The following ZC3H12B variants were observed in gnomAD, a reference collection of about 807,000 sequenced individuals.
The protein encoded by ZC3H12B is zinc finger CCCH-type containing 12B, also known as probable ribonuclease ZC3H12B.
In ZC3H12B, 7 loss-of-function variants were observed where a neutral mutation model predicts 43.9. The ratio of observed to expected loss-of-function variants is 0.16; its 90% CI spans 0.09 to 0.30. The LOEUF (loss-of-function observed/expected upper bound fraction) is 0.30, where lower values mean the gene tolerates loss of function less well. ZC3H12B is among the 10% of genes least tolerant of loss of function. The pLI, the probability that ZC3H12B is intolerant of heterozygous loss-of-function variation, is 1.00. For missense variants in ZC3H12B, 475 were observed against 670.2 expected (o/e 0.71, Z 3.22); for synonymous variants, 222 against 241.7 (o/e 0.92, Z 0.76).
At chrX:65,352,703 T>C in the ZC3H12B span, among the ~76,000 whole-genome samples, 1 of 111,673 alleles carries the variant, frequency 9.0e-6, no homozygotes, top group South Asian at 3.8e-4. Context: ...AACAATCCTG[T>C]GTTGAGCAAG....
At chrX:65,266,774 G>C in the ZC3H12B span, among the ~76,000 whole-genome samples, 1 of 110,605 alleles carries the variant, frequency 9.0e-6, no homozygotes, top group South Asian at 3.7e-4. Flanking sequence ...CAGTGCAAGG[G>C]TTTGCCTTTG....
the ZC3H12B span, among the ~76,000 whole-genome samples, chrX:65,126,588 A>G: frequency 9.0e-6 from 1 of 110,776 alleles, no homozygotes; most frequent in African/African-American, 3.3e-5. Context: ...TTTTTTTCAA[A>G]ACTTTTTGAG....
chrX:65,231,866 A>G, the ZC3H12B span, among the ~76,000 whole-genome samples: 1 of 111,678 alleles, frequency 9.0e-6, no homozygotes, highest in Non-Finnish European at 1.9e-5. Flanking sequence ...AAATTTGTAC[A>G]GTTAACGCAA....
chrX:65,396,001 G>A (rs756654314), intron 2 of ZC3H12B, among the ~76,000 whole-genome samples: 1 of 111,641 alleles, frequency 9.0e-6, no homozygotes, highest in Non-Finnish European at 1.9e-5. Context: ...TTCTCTGATG[G>A]TAGGTTGTAT....
chrX:65,497,027 T>C (rs1160323959), intron 1 of ZC3H12B, 105 bp from the exon 7 acceptor site: 33 of 584,780 alleles, frequency 5.6e-5, no homozygotes, highest in Non-Finnish European at 7.5e-5. Context: ...GAAAAGAATG[T>C]AAATGTCTAT....
At chrX:65,082,233 C>G in the ZC3H12B span, among the ~76,000 whole-genome samples, 1 of 110,444 alleles carries the variant, frequency 9.1e-6, no homozygotes, top group South Asian at 3.8e-4. Flanking sequence ...AAGTACAAAC[C>G]AAATGCAAAA....
the ZC3H12B span, among the ~76,000 whole-genome samples, chrX:65,132,473 G>A: frequency 8.2e-5 from 9 of 109,991 alleles, no homozygotes; most frequent in African/African-American, 3.0e-4. Context: ...GGAGGGAGTA[G>A]GGGTGTCCCA....
the ZC3H12B span, among the ~76,000 whole-genome samples, chrX:65,106,957 A>G: frequency 0.23 from 25,869 of 110,954 alleles, 7,166 homozygotes; most frequent in African/African-American, 0.8. Context: ...TTCAAACTCA[A>G]TCTGGTTCCA....
chrX:65,351,671 C>G, the ZC3H12B span, among the ~76,000 whole-genome samples: 19 of 112,601 alleles, frequency 1.7e-4, no homozygotes, highest in African/African-American at 6.1e-4. Context: ...TGAACAGATA[C>G]TTCTCAAAAG....
chrX:65,045,980 T>C, the ZC3H12B span, among the ~76,000 whole-genome samples: 1 of 111,608 alleles, frequency 9.0e-6, no homozygotes, highest in African/African-American at 3.3e-5. Context: ...AATATTTTCT[T>C]GGGAGCAGTA....
intron 3 of ZC3H12B, among the ~76,000 whole-genome samples, chrX:65,482,763 G>A (rs1219203944): frequency 1.8e-5 from 2 of 111,900 alleles, no homozygotes; most frequent in African/African-American, 3.2e-5. Flanking sequence ...GGAGACATAC[G>A]TCCTTTCTAA....
chrX:65,388,136 G>C lies in ZC3H12B; in HGVS notation n.296-10457G>C, dbSNP rs773639257. Among the ~76,000 whole-genome samples, 6 of 111,106 alleles carry C rather than the reference G, an allele frequency of 5.4e-5. No individual in the cohort carries two copies. In the South Asian group the frequency reaches 2.3e-3, roughly 43 times the overall value. On this transcript the variant is annotated intron_variant and non_coding_transcript_variant, in intron 2 of 5. Coordinates refer to the ZC3H12B transcript ENST00000617377. ...TATGTGTCTTGGAGTTGCTCTTCTCGAGGAGTATCTTTGTGGCATTCTCTG... is the reference window on the plus strand; with the variant it reads ...TATGTGTCTTGGAGTTGCTCTTCTCCAGGAGTATCTTTGTGGCATTCTCTG...
At chrX:65,374,082 A>T (rs1318729514) in intron 2 of ZC3H12B, among the ~76,000 whole-genome samples, 1 of 63,449 alleles carries the variant, frequency 1.6e-5, no homozygotes, top group African/African-American at 9.1e-5. Context: ...ATATAACTAT[A>T]TATAGTATAT....
the ZC3H12B span, among the ~76,000 whole-genome samples, chrX:65,336,326 G>A: frequency 1.1e-4 from 12 of 107,304 alleles, no homozygotes; most frequent in African/African-American, 2.6e-4. Flanking sequence ...AACCCAGCCC[G>A]CTACACCATT....
At chrX:65,392,208 G>C (rs376971378) in intron 2 of ZC3H12B, among the ~76,000 whole-genome samples, 1 of 110,929 alleles carries the variant, frequency 9.0e-6, no homozygotes, top group African/African-American at 3.3e-5. Context: ...AGTGAGGAGC[G>C]TCTCTGCCTG....
At chrX:65,331,137 C>A in the ZC3H12B span, 1 of 271,750 alleles carries the variant, frequency 3.7e-6, no homozygotes, top group South Asian at 4.9e-5. Flanking sequence ...TTTATGGCAA[C>A]CTCTACACAC....
chrX:65,300,802 A>G, the ZC3H12B span, among the ~76,000 whole-genome samples: 2 of 111,394 alleles, frequency 1.8e-5, no homozygotes, highest in East Asian at 5.6e-4. Flanking sequence ...AATTAGAACC[A>G]TACCCTCACA....
the ZC3H12B span, among the ~76,000 whole-genome samples, chrX:65,119,250 G>A: frequency 9.0e-6 from 1 of 111,518 alleles, no homozygotes; most frequent in African/African-American, 3.3e-5. Context: ...AGTTGAACTA[G>A]TTTACAGTCC....
At chrX:65,383,102 A>C (rs1057223340) in intron 2 of ZC3H12B, among the ~76,000 whole-genome samples, 2 of 111,649 alleles carry the variant, frequency 1.8e-5, no homozygotes, top group Non-Finnish European at 3.8e-5. Context: ...GGAAAAATCT[A>C]CTTTAAAGTT....
Sources: allele counts gnomAD v4.1 joint callset (sites outside exome capture counted in the v4.1 genomes callset), GRCh38; gene constraint gnomAD v4.1.1; transcripts MANE v1.5; gene names NCBI Gene and HGNC (gene_info 2026-07-23, HGNC 2026-07-21).